Variants in OCLN observed in about 807,000 individuals in gnomAD.
The protein encoded by OCLN is phosphatase 1, regulatory subunit 115.
In OCLN, 21 loss-of-function variants were observed where a neutral mutation model predicts 47.9. The ratio of observed to expected loss-of-function variants is 0.44; its 90% CI spans 0.31 to 0.63. OCLN has a LOEUF of 0.63. Among genes scored for constraint, OCLN ranks in the 30% least tolerant of loss-of-function variants. OCLN has a pLI of 0.08. For synonymous variants in OCLN, 117 were observed against 198.4 expected, an observed-to-expected ratio of 0.59 and a Z score of 3.45; for missense variants, 360 against 571.0, an observed-to-expected ratio of 0.63 and a Z score of 3.77.
chr5:69,494,048 G>A (rs558340689), intron 1 of OCLN, among the ~76,000 whole-genome samples: 22 of 152,354 alleles, frequency 1.4e-4, no homozygotes, highest in Non-Finnish European at 2.9e-4. Flanking sequence ...GTATTATTGG[G>A]ATACCTGGAA....
At chr5:69,528,041 C>G (rs1769329177) in intron 4 of OCLN, among the ~76,000 whole-genome samples, 1 of 152,116 alleles carries the variant, frequency 6.6e-6, no homozygotes, top group Non-Finnish European at 1.5e-5. Flanking sequence ...AAACCTGGTC[C>G]ACGATCTCAT....
intron 4 of OCLN, 89 bp from the exon 5 acceptor site, chr5:69,534,605 T>C (rs1769531040): frequency 4.9e-6 from 2 of 405,466 alleles, no homozygotes; most frequent in Non-Finnish European, 8.4e-6. Context: ...CACATAAATA[T>C]TAGATAATGT....
chr5:69,493,236 A>C lies in OCLN; in HGVS notation c.-69+336A>C, dbSNP rs1341183703. Among the ~76,000 whole-genome samples, 1 of 152,076 alleles carries C rather than the reference A, an allele frequency of 6.6e-6. No homozygotes were observed. Among genetic ancestry groups the C allele is most frequent in the Non-Finnish European group, 1.5e-5 (1 of 68,014 alleles). ...GGCACGACATTCCTGAACAGCGACG[A>C]TCCTGCATCCGCTCTGGGGCTGCAG... On this transcript the variant is annotated intron_variant, in intron 1 of 8. Transcript: ENST00000396442. The surrounding 1 kb of genome is among the most constrained non-coding windows in gnomAD (Gnocchi z 5.3).
At chr5:69,518,470 CA>C (rs1417741075) in intron 4 of OCLN, among the ~76,000 whole-genome samples, 1 of 152,174 alleles carries the variant, frequency 6.6e-6, no homozygotes, top group Non-Finnish European at 1.5e-5. Flanking sequence ...GGTTTAACCA[CA>C]GATATTTTGC....
intron 4 of OCLN, among the ~76,000 whole-genome samples, chr5:69,521,673 T>C (rs918291317): frequency 2.6e-5 from 4 of 152,228 alleles, no homozygotes; most frequent in African/African-American, 9.6e-5. Flanking sequence ...CCAAGTTGCA[T>C]TGTTTTTGAA....
chr5:69,513,415 C>G (rs559399921), intron 3 of OCLN, among the ~76,000 whole-genome samples: 21 of 152,314 alleles, frequency 1.4e-4, no homozygotes, highest in African/African-American at 4.6e-4. Context: ...ATGTCTTCAT[C>G]ATTTTTGGTA....
intron 4 of OCLN, among the ~76,000 whole-genome samples, chr5:69,517,461 C>A (rs891986416): frequency 3.3e-5 from 5 of 151,752 alleles, no homozygotes; most frequent in African/African-American, 7.3e-5. Flanking sequence ...TAGGTGCATA[C>A]CACCATGCCT....
At chr5:69,514,792 T>G (rs1423187686) in intron 4 of OCLN, among the ~76,000 whole-genome samples, 1 of 152,174 alleles carries the variant, frequency 6.6e-6, no homozygotes, top group African/African-American at 2.4e-5. Flanking sequence ...CTTAATCCAT[T>G]TAACCCTGAG....
intron 2 of OCLN, among the ~76,000 whole-genome samples, chr5:69,505,498 A>C (rs1047837158): frequency 1.3e-5 from 2 of 152,190 alleles, no homozygotes; most frequent in African/African-American, 4.8e-5. Context: ...AGATTTGTCT[A>C]TTCTGCATAT....
chr5:69,508,579 G>A (rs1768675085), intron 2 of OCLN, among the ~76,000 whole-genome samples: 1 of 152,126 alleles, frequency 6.6e-6, no homozygotes, highest in Admixed American at 6.6e-5. Context: ...GACCTCAAGT[G>A]ATCCACCCGC....
chr5:69,516,257 G>C lies in OCLN; in HGVS notation c.891+2148G>C, dbSNP rs1318627435. ...CGTCTGCAATCCCGGCACCTTGGGAGGCCGAGGCTGGCGGATCAGTCGCAG... is the reference window on the plus strand; with the variant it reads ...CGTCTGCAATCCCGGCACCTTGGGACGCCGAGGCTGGCGGATCAGTCGCAG... On this transcript the variant is annotated intron_variant, in intron 4 of 8. Coordinates refer to ENST00000396442, the MANE Select transcript of OCLN (RefSeq NM_001205254.2). Among the ~76,000 whole-genome samples, 6 of 152,376 alleles carry C rather than the reference G, an allele frequency of 3.9e-5. No individual in the cohort carries two copies. In the East Asian group the frequency reaches 1.2e-3, roughly 29 times the overall value.
At chr5:69,510,297 C>G (rs576831975) in intron 3 of OCLN, among the ~76,000 whole-genome samples, 1 of 152,300 alleles carries the variant, frequency 6.6e-6, no homozygotes, top group East Asian at 1.9e-4. Context: ...GTGCCATTCT[C>G]TCATTCCTTT....
At chr5:69,537,916 G>C (rs1174335127) in intron 5 of OCLN, among the ~76,000 whole-genome samples, 1 of 115,176 alleles carries the variant, frequency 8.7e-6, no homozygotes, top group East Asian at 2.5e-4. Flanking sequence ...CACACCCAGA[G>C]CTGTCATCTT....
chr5:69,519,273 C>T (rs1055491702), intron 4 of OCLN, among the ~76,000 whole-genome samples: 4 of 152,210 alleles, frequency 2.6e-5, no homozygotes, highest in Admixed American at 2.6e-4. Context: ...GGATTTTTAG[C>T]ATCTTCAGGA....
chr5:69,495,235 C>G (rs929498023), intron 1 of OCLN, among the ~76,000 whole-genome samples: 1 of 152,218 alleles, frequency 6.6e-6, no homozygotes, highest in East Asian at 1.9e-4. Context: ...AGAGAGTAAA[C>G]AGACCATGCA....
chr5:69,536,041 C>T (rs28880118), intron 5 of OCLN, among the ~76,000 whole-genome samples: 10,666 of 151,882 alleles, frequency 0.07, 85 homozygotes, highest in African/African-American at 0.24. Context: ...CGGTTTAACC[C>T]GGGAGGCGGA....
intron 2 of OCLN, 149 bp from the exon 3 acceptor site, chr5:69,508,992 A>G: frequency 1.4e-6 from 1 of 714,940 alleles, no homozygotes; most frequent in Non-Finnish European, 2.4e-6. Flanking sequence ...CAATAATCTT[A>G]TGTTTTAACA....
Position 69,521,549 on chromosome 5 carries a change from C to T in OCLN, c.891+7440C>T, listed in dbSNP as rs1769138496. On this transcript the variant is annotated intron_variant, in intron 4 of 8. Coordinates refer to ENST00000396442, the MANE Select transcript of OCLN (RefSeq NM_001205254.2). ...ACTCGGGAGGATGAGACAGAAGGATCTCTTGAGCTCAAGAGTTGAGGCTGC... is the reference window on the plus strand; with the variant it reads ...ACTCGGGAGGATGAGACAGAAGGATTTCTTGAGCTCAAGAGTTGAGGCTGC... Among the ~76,000 whole-genome samples the T allele has an allele frequency of 2.6e-5, 4 of 152,266 alleles. No homozygotes were observed. The South Asian group carries it at 8.3e-4, about 32-fold the overall frequency.
At chr5:69,533,687 C>T (rs1769511148) in intron 4 of OCLN, among the ~76,000 whole-genome samples, 2 of 152,154 alleles carry the variant, frequency 1.3e-5, no homozygotes, top group African/African-American at 4.8e-5. Flanking sequence ...CACAGTCTCG[C>T]TGTTGGCCAG....
Sources: allele counts gnomAD v4.1 joint callset (sites outside exome capture counted in the v4.1 genomes callset), GRCh38; gene constraint gnomAD v4.1.1; non-coding constraint Gnocchi (gnomAD v3.1); transcripts MANE v1.5; gene names NCBI Gene and HGNC (gene_info 2026-07-23, HGNC 2026-07-21).